Variants in CDKAL1 observed in about 807,000 individuals in gnomAD.
CDKAL1 encodes CDKAL1 threonylcarbamoyladenosine tRNA methylthiotransferase.
CDKAL1 carries 32 observed loss-of-function variants against 68.2 expected under a neutral mutation model. The observed-to-expected ratio is 0.47, with a 90% confidence interval of 0.35 to 0.63. CDKAL1 has a LOEUF of 0.63. CDKAL1 is among the 30% of genes least tolerant of loss of function. The pLI, the probability that CDKAL1 is intolerant of heterozygous loss-of-function variation, is 0.00. For missense variants in CDKAL1, 606 were observed against 696.7 expected (o/e 0.87, Z 1.47); for synonymous variants, 234 against 244.3 (o/e 0.96, Z 0.39).
intron 5 of CDKAL1, among the ~76,000 whole-genome samples, chr6:20,714,135 A>G (rs1771974220): frequency 6.6e-6 from 1 of 151,958 alleles, no homozygotes; most frequent in African/African-American, 2.4e-5. Flanking sequence ...AATAACATGA[A>G]GGGCAAATTA....
intron 5 of CDKAL1, among the ~76,000 whole-genome samples, chr6:20,684,417 T>TGGTGTCAGAGTGAGTCTC (rs1770524604): frequency 6.6e-6 from 1 of 152,178 alleles, no homozygotes; most frequent in Non-Finnish European, 1.5e-5. Flanking sequence ...ACTCCAGCCT[T>TGGTGTCAGAGTGAGTCTC]GGTGTCAGAG....
At chr6:21,091,119 G>C (rs564756868) in intron 12 of CDKAL1, among the ~76,000 whole-genome samples, 3 of 152,162 alleles carry the variant, frequency 2.0e-5, no homozygotes, top group Non-Finnish European at 4.4e-5. Flanking sequence ...TCTGGTTTCA[G>C]ATTTAGAAGG....
rs746987789 is a variant in CDKAL1 at position 20,706,427 on chromosome 6, A to G, written c.372-33092A>G. ...GATCAGATGCTCATATGCTGATCCA[A>G]CTAGCCTAGTTTCCACCCTTACATT... is the stretch of plus-strand genomic sequence containing the variant. On this transcript the variant is annotated intron_variant, in intron 5 of 15. Coordinates refer to ENST00000274695, the MANE Select transcript of CDKAL1 (RefSeq NM_017774.3). 3.3e-5 allele frequency among the ~76,000 whole-genome samples: 5 copies of G among 152,324 alleles called. No individual in the cohort carries two copies. In the East Asian group the frequency reaches 7.7e-4, roughly 23 times the overall value.
intron 6 of CDKAL1, among the ~76,000 whole-genome samples, chr6:20,756,409 A>T (rs1774172811): frequency 1.3e-5 from 2 of 152,166 alleles, no homozygotes; most frequent in Non-Finnish European, 2.9e-5. Context: ...CGTATTGTTA[A>T]ATCAAACATA....
At chr6:20,991,499 C>T (rs1037438363) in intron 10 of CDKAL1, among the ~76,000 whole-genome samples, 6 of 151,674 alleles carry the variant, frequency 4.0e-5, no homozygotes, top group South Asian at 2.1e-4. Context: ...TTTGAGGTCA[C>T]GAGTTTGAGA....
chr6:20,759,016 G>A (rs1395508854), intron 7 of CDKAL1, among the ~76,000 whole-genome samples: 1 of 152,108 alleles, frequency 6.6e-6, no homozygotes, highest in Non-Finnish European at 1.5e-5. Flanking sequence ...GTGTGCACCT[G>A]TAGTCCCAGC....
chr6:21,217,489 T>C (rs1359088126), intron 15 of CDKAL1, among the ~76,000 whole-genome samples: 1 of 141,020 alleles, frequency 7.1e-6, no homozygotes, highest in Non-Finnish European at 1.5e-5. Flanking sequence ...TTATTTTTAT[T>C]TATTTATTTT....
chr6:20,665,640 T>C (rs1452699608), intron 5 of CDKAL1, among the ~76,000 whole-genome samples: 2 of 151,220 alleles, frequency 1.3e-5, no homozygotes. Flanking sequence ...TTAAAATAAG[T>C]CCTCACTTAA....
At chr6:20,746,069 G>A (rs181480941) in intron 6 of CDKAL1, among the ~76,000 whole-genome samples, 63 of 152,198 alleles carry the variant, frequency 4.1e-4, no homozygotes, top group South Asian at 1.9e-3. Flanking sequence ...GGGGTTTTGT[G>A]CCTCCTTTAC....
intron 5 of CDKAL1, among the ~76,000 whole-genome samples, chr6:20,719,033 TTG>T (rs1228278763): frequency 1.3e-5 from 2 of 152,170 alleles, no homozygotes; most frequent in African/African-American, 4.8e-5. Flanking sequence ...AGAAGAAGAT[TTG>T]TCTTTCTGTC....
intron 9 of CDKAL1, among the ~76,000 whole-genome samples, chr6:20,889,154 C>T (rs1163458521): frequency 1.3e-5 from 2 of 152,012 alleles, no homozygotes; most frequent in Non-Finnish European, 1.5e-5. Context: ...TGTTTTTTGG[C>T]TGCATAAATG....
At chr6:20,830,880 T>C (rs192854103) in intron 8 of CDKAL1, among the ~76,000 whole-genome samples, 1 of 152,166 alleles carries the variant, frequency 6.6e-6, no homozygotes, top group Non-Finnish European at 1.5e-5. Flanking sequence ...ATTTCTTACA[T>C]GTAAAATGAA....
At chr6:20,613,483 C>T (rs569947287) in intron 4 of CDKAL1, among the ~76,000 whole-genome samples, 31 of 150,800 alleles carry the variant, frequency 2.1e-4, no homozygotes, top group African/African-American at 7.0e-4. Context: ...CCATGTTGGC[C>T]AGGCTCGTAT....
At chr6:20,621,324 A>G (rs1213078374) in intron 4 of CDKAL1, among the ~76,000 whole-genome samples, 4 of 152,108 alleles carry the variant, frequency 2.6e-5, no homozygotes, top group East Asian at 1.9e-4. Flanking sequence ...GTGTGCTGCC[A>G]TTTTCACCAC....
At chr6:20,708,394 A>G (rs374935706) in intron 5 of CDKAL1, among the ~76,000 whole-genome samples, 1 of 152,170 alleles carries the variant, frequency 6.6e-6, no homozygotes, top group Non-Finnish European at 1.5e-5. Flanking sequence ...AGGGTGCAGG[A>G]ATTTCTATCC....
At chr6:21,224,920 A>T (rs538424990) in intron 15 of CDKAL1, among the ~76,000 whole-genome samples, 2 of 152,336 alleles carry the variant, frequency 1.3e-5, no homozygotes, top group East Asian at 3.9e-4. Flanking sequence ...ATGTAAGAAT[A>T]GGTAAATGGC....
At chr6:21,129,782 T>C (rs978322944) in intron 13 of CDKAL1, among the ~76,000 whole-genome samples, 1 of 151,210 alleles carries the variant, frequency 6.6e-6, no homozygotes, top group African/African-American at 2.4e-5. Flanking sequence ...CACATACTAA[T>C]GCATTGATGG....
chr6:21,142,402 A>G (rs1775963157), intron 13 of CDKAL1, among the ~76,000 whole-genome samples: 1 of 151,926 alleles, frequency 6.6e-6, no homozygotes, highest in Admixed American at 6.6e-5. Context: ...CCCAGTTTTT[A>G]CCCAAACAGT....
At chr6:20,771,677 G>A (rs953557755) in intron 7 of CDKAL1, among the ~76,000 whole-genome samples, 5 of 152,146 alleles carry the variant, frequency 3.3e-5, no homozygotes, top group Non-Finnish European at 7.4e-5. Flanking sequence ...GGTCATGGGG[G>A]CGGTTCCCTC....
Sources: allele counts gnomAD v4.1 joint callset (sites outside exome capture counted in the v4.1 genomes callset), GRCh38; gene constraint gnomAD v4.1.1; transcripts MANE v1.5; gene names NCBI Gene and HGNC (gene_info 2026-07-23, HGNC 2026-07-21).